Variants in UBAP2 observed in about 807,000 individuals in gnomAD.
UBAP2 encodes the protein ubiquitin associated protein 2, also known as ubiquitin-associated protein 2.
A neutral mutation model predicts 139.6 loss-of-function variants in UBAP2; 75 were observed. That is an observed-to-expected ratio of 0.54 (90% CI 0.45 to 0.65). The LOEUF (loss-of-function observed/expected upper bound fraction) is 0.65, where lower values mean the gene tolerates loss of function less well. UBAP2 is among the 30% of genes least tolerant of loss of function. The pLI is 0.00. For synonymous variants in UBAP2, 526 were observed against 526.2 expected, an observed-to-expected ratio of 1.00 and a Z score of 0.01; for missense variants, 1,368 against 1,369.6, an observed-to-expected ratio of 1.00 and a Z score of 0.02.
At chr9:33,973,369 G>C in intron 6 of UBAP2, 132 bp from the exon 7 acceptor site, 1 of 976,770 alleles carries the variant, frequency 1.0e-6, no homozygotes, top group Non-Finnish European at 1.6e-6. Flanking sequence ...TTCCAATCCA[G>C]GGCACCCAAT....
chr9:33,927,203 C>T (rs1823517539), intron 20 of UBAP2, 123 bp from the exon 21 acceptor site: 2 of 675,228 alleles, frequency 3.0e-6, no homozygotes, highest in Non-Finnish European at 5.0e-6. Flanking sequence ...AGGGCAGTGG[C>T]CGAATGAGGC....
At position 33,998,902 on chromosome 9, in the gene UBAP2, A is replaced by G. The variant is rs1455934052; in HGVS notation, c.100-38T>C. On this transcript the variant is annotated intron_variant, in intron 2 of 28. Coordinates refer to ENST00000379238, the MANE Select transcript of UBAP2 (RefSeq NM_001370062.2). ...TACAATTGTTAAGGATTTGAACACC[A>G]AAAGCATAAGTTAGATTCCAAAATC... The G allele has an allele frequency of 8.3e-6, 13 of 1,570,488 alleles. No individual in the cohort carries two copies. The Admixed American group carries it at 1.4e-4, about 17-fold the overall frequency.
intron 1 of UBAP2, among the ~76,000 whole-genome samples, chr9:34,032,017 T>C (rs1825934494): frequency 6.6e-6 from 1 of 151,952 alleles, no homozygotes; most frequent in African/African-American, 2.4e-5. Flanking sequence ...TGGTGGCGCA[T>C]GCCTGTGGTC....
chr9:34,046,350 T>G (rs1220790498), intron 1 of UBAP2, among the ~76,000 whole-genome samples: 1 of 151,286 alleles, frequency 6.6e-6, no homozygotes, highest in East Asian at 1.9e-4. Flanking sequence ...AGCTAACATT[T>G]TAGAAGTAAA....
Position 33,997,391 on chromosome 9 carries a change from C to CCA in UBAP2, c.178-1060_178-1059dup, listed in dbSNP as rs1296075298. 3 of 152,238 alleles carry CCA rather than the reference C, an allele frequency of 2.0e-5. No homozygotes were observed. In the South Asian group the frequency reaches 6.2e-4, roughly 32 times the overall value. 9.4% of individuals were successfully genotyped at this position (152,238 alleles called of 1,614,324 possible). A position where few individuals can be genotyped will look rare whatever the true frequency, so the allele number is the denominator to read the frequency against. Reference sequence around the variant, plus strand: ...AGCTGAAGTTCAAAACAGCTTGATCCCAACATATCAAGTGATTTGTCTATG... The same window carrying CCA: ...AGCTGAAGTTCAAAACAGCTTGATCCCACAACATATCAAGTGATTTGTCTATG... On this transcript the variant is annotated intron_variant, in intron 3 of 28. Transcript: ENST00000379238.
At chr9:34,014,511 C>T (rs772400568) in intron 2 of UBAP2, among the ~76,000 whole-genome samples, 3 of 151,770 alleles carry the variant, frequency 2.0e-5, no homozygotes, top group Non-Finnish European at 4.4e-5. Flanking sequence ...CACCTGTAAT[C>T]CCAGCTACTT....
intron 19 of UBAP2, among the ~76,000 whole-genome samples, chr9:33,930,143 A>G (rs933127827): frequency 6.6e-6 from 1 of 152,350 alleles, no homozygotes; most frequent in South Asian, 2.1e-4. Flanking sequence ...TTCTGCTAAC[A>G]TATTAAGGAA....
intron 12 of UBAP2, among the ~76,000 whole-genome samples, chr9:33,949,357 T>C (rs1041969094): frequency 1.3e-5 from 2 of 152,108 alleles, no homozygotes; most frequent in African/African-American, 4.8e-5. Flanking sequence ...CTTTAATGAT[T>C]ACAAGATGTA....
chr9:33,974,655 T>C (rs1828160328), intron 6 of UBAP2, among the ~76,000 whole-genome samples: 1 of 150,134 alleles, frequency 6.7e-6, no homozygotes. Flanking sequence ...AAATACTCCA[T>C]TCAAAATGGG....
At chr9:34,035,514 A>AAAAAAAAAAAAATATATATATAT in intron 1 of UBAP2, among the ~76,000 whole-genome samples, 4 of 22,490 alleles carry the variant, frequency 1.8e-4, no homozygotes, top group African/African-American at 5.1e-4. Context: ...AAAAAAAAAA[A>AAAAAAAAAAAAATATATATATAT]ATATATATAT....
At chr9:33,952,031 A>G (rs888502637) in intron 12 of UBAP2, among the ~76,000 whole-genome samples, 3 of 152,238 alleles carry the variant, frequency 2.0e-5, no homozygotes, top group African/African-American at 7.2e-5. Flanking sequence ...AGCCCAACAC[A>G]TGATATGGCT....
intron 1 of UBAP2, among the ~76,000 whole-genome samples, chr9:34,042,770 A>AC (rs1827211863): frequency 6.6e-6 from 1 of 151,704 alleles, no homozygotes; most frequent in African/African-American, 2.4e-5. Flanking sequence ...TGTTCATTTT[A>AC]CTTTTTTTTT....
At chr9:34,047,832 T>C (rs1827740558) in intron 1 of UBAP2, among the ~76,000 whole-genome samples, 1 of 152,214 alleles carries the variant, frequency 6.6e-6, no homozygotes, top group Non-Finnish European at 1.5e-5. Context: ...ATAGTAATTT[T>C]TTAAAATCTC....
chr9:34,016,179 GGAA>G (rs1346954345), intron 2 of UBAP2, among the ~76,000 whole-genome samples: 236 of 62,566 alleles, frequency 3.8e-3, no homozygotes, highest in African/African-American at 7.5e-3. Flanking sequence ...AGGAGGAGGA[GGAA>G]GAGGAGGAAT....
chr9:33,965,718 T>C (rs994104416), intron 8 of UBAP2, among the ~76,000 whole-genome samples: 1 of 152,200 alleles, frequency 6.6e-6, no homozygotes, highest in Non-Finnish European at 1.5e-5. Flanking sequence ...TTGATTTATG[T>C]GTCTTGCTTA....
rs1587516579 is a variant in UBAP2 at position 33,934,037 on chromosome 9, C to A, written c.1970-409G>T. 3 of 174,138 alleles carry A rather than the reference C, an allele frequency of 1.7e-5. No individual in the cohort carries two copies. The East Asian group carries it at 4.3e-4, about 25-fold the overall frequency. 10.8% of individuals were successfully genotyped at this position (174,138 alleles called of 1,614,324 possible). On this transcript the variant is annotated intron_variant, in intron 17 of 28. Coordinates refer to ENST00000379238, the MANE Select transcript of UBAP2 (RefSeq NM_001370062.2). ...ACAGCAAGGGGGAGTAAGAAGCTAA[C>A]AGGCAAGACCACCTACACGTGCTTC...
intron 5 of UBAP2, among the ~76,000 whole-genome samples, chr9:33,988,419 A>G (rs1049145039): frequency 1.3e-5 from 2 of 152,256 alleles, no homozygotes; most frequent in Non-Finnish European, 2.9e-5. Flanking sequence ...TTGCATAAAC[A>G]GTGACAAAAC....
intron 1 of UBAP2, among the ~76,000 whole-genome samples, chr9:34,030,924 A>G (rs1401492354): frequency 6.6e-6 from 1 of 151,532 alleles, no homozygotes; most frequent in Non-Finnish European, 1.5e-5. Context: ...AGCAAGACTC[A>G]TCTCAAAAAA....
intron 6 of UBAP2, among the ~76,000 whole-genome samples, chr9:33,981,958 T>A (rs576915102): frequency 1.3e-5 from 2 of 152,224 alleles, no homozygotes; most frequent in African/African-American, 4.8e-5. Flanking sequence ...AATGGAAAAC[T>A]TCTCTCTGCT....
Sources: allele counts gnomAD v4.1 joint callset (sites outside exome capture counted in the v4.1 genomes callset), GRCh38; gene constraint gnomAD v4.1.1; transcripts MANE v1.5; gene names NCBI Gene and HGNC (gene_info 2026-07-23, HGNC 2026-07-21).